Variants in CHSY3 observed in about 807,000 individuals in gnomAD.
The protein encoded by CHSY3 is chondroitin sulfate synthase 3.
Under a neutral mutation model 67.2 loss-of-function variants are expected in CHSY3, and 35 were observed. The observed-to-expected ratio is 0.52, with a 90% CI of 0.40 to 0.69. The LOEUF is 0.69. CHSY3 is among the 30% of genes least tolerant of loss of function. The probability of loss-of-function intolerance (pLI) is 0.00; values close to 1 mark genes in which losing one functional copy is unlikely to be tolerated. For synonymous variants in CHSY3, 474 were observed against 434.7 expected (o/e 1.09, Z -1.12); for missense variants, 1,069 against 1,138.5 (o/e 0.94, Z 0.88).
At chr5:129,941,274 G>A (rs1761690283) in intron 2 of CHSY3, among the ~76,000 whole-genome samples, 1 of 152,082 alleles carries the variant, frequency 6.6e-6, no homozygotes, top group African/African-American at 2.4e-5. Context: ...TTATTGGGAT[G>A]TAACCCCATC....
chr5:130,059,712 A>G (rs549187146), intron 2 of CHSY3, among the ~76,000 whole-genome samples: 1 of 152,246 alleles, frequency 6.6e-6, no homozygotes, highest in South Asian at 2.1e-4. Flanking sequence ...CTACCCTATA[A>G]TTAGGAATTC....
chr5:129,951,549 T>C (rs1762023399), intron 2 of CHSY3, among the ~76,000 whole-genome samples: 1 of 152,212 alleles, frequency 6.6e-6, no homozygotes, highest in South Asian at 2.1e-4. Flanking sequence ...TATATCAATA[T>C]GAGTAATAAC....
chr5:130,092,849 G>A (rs921740672), intron 2 of CHSY3, among the ~76,000 whole-genome samples: 2 of 152,176 alleles, frequency 1.3e-5, no homozygotes, highest in Non-Finnish European at 2.9e-5. Context: ...TAGGAAAACA[G>A]GAATTAGGGA....
chr5:129,912,534 T>C lies in CHSY3; in HGVS notation c.1086+4174T>C, dbSNP rs566103247. ...TATGTCTTGCTTGTTGGTCTCTTGCTCTTTTTCTCTGTCTTCTCTGCTCAC... is the reference window on the plus strand; with the variant it reads ...TATGTCTTGCTTGTTGGTCTCTTGCCCTTTTTCTCTGTCTTCTCTGCTCAC... On this transcript the variant is annotated intron_variant, in intron 2 of 2. Coordinates refer to ENST00000305031, the MANE Select transcript of CHSY3 (RefSeq NM_175856.5). Among the ~76,000 whole-genome samples, 7 of 152,318 alleles carry C rather than the reference T, an allele frequency of 4.6e-5. No individual in the cohort carries two copies. In the South Asian group the frequency reaches 1.5e-3, roughly 32 times the overall value.
chr5:130,091,146 G>GCACA (rs148312347), intron 2 of CHSY3, among the ~76,000 whole-genome samples: 10,741 of 149,434 alleles, frequency 0.072, 455 homozygotes, highest in Non-Finnish European at 0.081. Context: ...GCACACGCGC[G>GCACA]CACACACACA....
Position 129,908,061 on chromosome 5 carries a change from G to A in CHSY3, c.803-16G>A, listed in dbSNP as rs1210052515. 6.2e-7 allele frequency: 1 copy of A among 1,605,844 alleles called. No homozygotes were observed. Among genetic ancestry groups the A allele is most frequent in the Non-Finnish European group, 8.5e-7 (1 of 1,176,248 alleles). On this transcript the variant is annotated splice_polypyrimidine_tract_variant and intron_variant, in intron 1 of 2. Coordinates refer to ENST00000305031, the MANE Select transcript of CHSY3 (RefSeq NM_175856.5). The stretch of plus-strand genomic sequence containing the variant: ...GAAATAAGGAGACATAGTAATTGTT[G>A]CCTTTCTTTTTGTAGGTGATAAATT...
intron 2 of CHSY3, among the ~76,000 whole-genome samples, chr5:130,086,091 T>C (rs1262720836): frequency 2.6e-5 from 4 of 152,040 alleles, no homozygotes; most frequent in Admixed American, 1.3e-4. Flanking sequence ...ATTCTGTTGA[T>C]TTGGGGTGGA....
At chr5:130,012,410 G>A (rs912639828) in intron 2 of CHSY3, among the ~76,000 whole-genome samples, 2 of 152,188 alleles carry the variant, frequency 1.3e-5, no homozygotes, top group African/African-American at 2.4e-5. Context: ...GACTGGAAAT[G>A]TACTCCTTCC....
At chr5:130,004,572 G>A (rs73785846) in intron 2 of CHSY3, among the ~76,000 whole-genome samples, 66 of 152,228 alleles carry the variant, frequency 4.3e-4, no homozygotes, top group African/African-American at 1.6e-3. Context: ...AAGAGAAAAG[G>A]TGATGCAAAA....
intron 2 of CHSY3, among the ~76,000 whole-genome samples, chr5:130,057,006 C>T (rs1320097793): frequency 7.2e-6 from 1 of 138,910 alleles, no homozygotes; most frequent in Non-Finnish European, 1.5e-5. Context: ...TCACTGCAAG[C>T]TCCTCCTCCC....
At chr5:130,096,055 T>C (rs1481591561) in intron 2 of CHSY3, among the ~76,000 whole-genome samples, 1 of 152,012 alleles carries the variant, frequency 6.6e-6, no homozygotes, top group Non-Finnish European at 1.5e-5. Context: ...ATAAGGAAGA[T>C]TGAGAAACTG....
chr5:130,122,520 C>T (rs73785898), intron 2 of CHSY3, among the ~76,000 whole-genome samples: 40 of 152,250 alleles, frequency 2.6e-4, no homozygotes, highest in African/African-American at 9.4e-4. Context: ...AGCACAAAGG[C>T]GGCACTCAGC....
rs190542904 is a variant in CHSY3 at position 130,045,946 on chromosome 5, T to C, written c.1086+137586T>C. Among the ~76,000 whole-genome samples, 78 of 152,184 alleles carry C rather than the reference T, an allele frequency of 5.1e-4. 2 individuals carry two copies. The East Asian group carries it at 0.012, about 24-fold the overall frequency. On this transcript the variant is annotated intron_variant, in intron 2 of 2. Transcript: ENST00000305031. ...GAAATTTTCACTGAGTATCTAGATG[T>C]GCTGAACTCTGGAAACCCTTGCCTC...
intron 2 of CHSY3, among the ~76,000 whole-genome samples, chr5:130,085,155 A>C (rs1424764865): frequency 6.6e-6 from 1 of 151,986 alleles, no homozygotes; most frequent in Non-Finnish European, 1.5e-5. Flanking sequence ...AGTTTAGAGG[A>C]TTAGGGTTTT....
At chr5:129,911,640 T>C (rs1015044293) in intron 2 of CHSY3, among the ~76,000 whole-genome samples, 2 of 152,242 alleles carry the variant, frequency 1.3e-5, no homozygotes, top group Non-Finnish European at 2.9e-5. Context: ...GGATGGGTGA[T>C]TCATTTACAT....
At chr5:130,075,065 C>T (rs932111234) in intron 2 of CHSY3, among the ~76,000 whole-genome samples, 4 of 152,004 alleles carry the variant, frequency 2.6e-5, no homozygotes, top group South Asian at 2.1e-4. Context: ...CACCCATTTA[C>T]GGAGCTATTT....
Position 130,005,243 on chromosome 5 carries a change from C to T in CHSY3, c.1086+96883C>T, listed in dbSNP as rs1048094161. ...CATCCTGGCCAACATGGTGAAACCCCGTCTCTAGTAAAAATACAAAAATTA... is the reference window on the plus strand; with the variant it reads ...CATCCTGGCCAACATGGTGAAACCCTGTCTCTAGTAAAAATACAAAAATTA... On this transcript the variant is annotated intron_variant, in intron 2 of 2. Transcript: ENST00000305031. 4.0e-5 allele frequency among the ~76,000 whole-genome samples: 6 copies of T among 151,808 alleles called. 1 individual carries two copies. Among genetic ancestry groups the T allele is most frequent in the South Asian group, 2.1e-4 (1 of 4,820 alleles).
intron 2 of CHSY3, among the ~76,000 whole-genome samples, chr5:130,158,853 G>A (rs762751652): frequency 2.6e-5 from 4 of 152,120 alleles, no homozygotes; most frequent in Non-Finnish European, 5.9e-5. Flanking sequence ...AAGCTGGAGT[G>A]CAGTGCTATG....
chr5:130,071,763 G>T (rs1259790644), intron 2 of CHSY3, among the ~76,000 whole-genome samples: 1 of 151,896 alleles, frequency 6.6e-6, no homozygotes, highest in African/African-American at 2.4e-5. Flanking sequence ...TAATAATTAT[G>T]TTTTTAGATT....
Sources: allele counts gnomAD v4.1 joint callset (sites outside exome capture counted in the v4.1 genomes callset), GRCh38; gene constraint gnomAD v4.1.1; transcripts MANE v1.5; gene names NCBI Gene and HGNC (gene_info 2026-07-23, HGNC 2026-07-21).